Variants in ADAMTSL1 observed in about 807,000 individuals in gnomAD.
The protein encoded by ADAMTSL1 is ADAMTS like 1.
In ADAMTSL1, 126 loss-of-function variants were observed where a neutral mutation model predicts 201.8. The observed-to-expected ratio is 0.62, with a 90% CI of 0.54 to 0.72. The LOEUF is 0.72. Ranked by LOEUF, ADAMTSL1 falls within the 30% of genes least tolerant of loss-of-function variation. The probability of loss-of-function intolerance (pLI) is 0.00; values close to 1 mark genes in which losing one functional copy is unlikely to be tolerated. For missense variants in ADAMTSL1, 2,679 were observed against 2,277.8 expected, an observed-to-expected ratio of 1.18 and a Z score of -3.59; for synonymous variants, 1,121 against 903.4, an observed-to-expected ratio of 1.24 and a Z score of -4.32.
intron 20 of ADAMTSL1, among the ~76,000 whole-genome samples, chr9:18,815,038 A>C (rs983802275): frequency 1.4e-4 from 21 of 152,226 alleles, no homozygotes; most frequent in African/African-American, 5.1e-4. Flanking sequence ...AATGGGTACT[A>C]TCAAAAAGAC....
At chr9:18,019,885 T>C (rs1191763455) in intron 1 of ADAMTSL1, among the ~76,000 whole-genome samples, 1 of 152,042 alleles carries the variant, frequency 6.6e-6, no homozygotes, top group Non-Finnish European at 1.5e-5. Flanking sequence ...GGAGAATTAT[T>C]CTTAGGCCTT....
chr9:18,804,628 A>C (rs998860994), intron 20 of ADAMTSL1, among the ~76,000 whole-genome samples: 2 of 152,204 alleles, frequency 1.3e-5, no homozygotes, highest in Admixed American at 6.5e-5. Flanking sequence ...CATTATTACT[A>C]ATATCAGATG....
chr9:18,730,516 C>G (rs1455376141), intron 15 of ADAMTSL1, among the ~76,000 whole-genome samples: 1 of 152,244 alleles, frequency 6.6e-6, no homozygotes, highest in South Asian at 2.1e-4. Flanking sequence ...CAGAGCCCAG[C>G]CAGCTACCTT....
intron 3 of ADAMTSL1, among the ~76,000 whole-genome samples, chr9:18,550,650 G>C (rs1383200808): frequency 6.6e-6 from 1 of 151,816 alleles, no homozygotes; most frequent in Non-Finnish European, 1.5e-5. Flanking sequence ...TTTTGGCCCA[G>C]GGAAACGCTA....
At chr9:17,968,660 G>C (rs1818076980) in intron 1 of ADAMTSL1, among the ~76,000 whole-genome samples, 1 of 152,090 alleles carries the variant, frequency 6.6e-6, no homozygotes, top group African/African-American at 2.4e-5. Flanking sequence ...GATTTCATCT[G>C]TTTCCAGGTC....
rs113014394 is a variant in ADAMTSL1 at position 18,186,119 on chromosome 9, T to C, written c.207+22138T>C. Reference sequence around the variant, plus strand: ...GTATTTCTGTGCAGCCTGGACAACCTGGCCTCTGCTTCCAAGGAGAAAATA... The same window carrying C: ...GTATTTCTGTGCAGCCTGGACAACCCGGCCTCTGCTTCCAAGGAGAAAATA... On this transcript the variant is annotated intron_variant, in intron 2 of 29. Transcript: ENST00000680146. Among the ~76,000 whole-genome samples, 690 of 152,298 alleles carry C rather than the reference T, an allele frequency of 4.5e-3. 4 individuals carry two copies. Among genetic ancestry groups the C allele is most frequent in the Non-Finnish European group, 8.0e-3 (542 of 68,012 alleles).
intron 1 of ADAMTSL1, among the ~76,000 whole-genome samples, chr9:18,474,703 G>A (rs1205416475): frequency 1.3e-5 from 2 of 152,080 alleles, no homozygotes; most frequent in Non-Finnish European, 2.9e-5. Flanking sequence ...GAGCTTGCCC[G>A]TACCGCCTTT....
At chr9:18,722,842 G>A (rs1263481523) in intron 15 of ADAMTSL1, among the ~76,000 whole-genome samples, 1 of 152,196 alleles carries the variant, frequency 6.6e-6, no homozygotes, top group Non-Finnish European at 1.5e-5. Context: ...CAGTCAACAA[G>A]ATAGAGTCAA....
intron 2 of ADAMTSL1, among the ~76,000 whole-genome samples, chr9:18,219,109 A>G (rs1032338823): frequency 6.6e-6 from 1 of 151,544 alleles, no homozygotes; most frequent in African/African-American, 2.4e-5. Flanking sequence ...TGGTGCCAAT[A>G]TTACATTTCT....
chr9:18,704,621 T>C lies in ADAMTSL1; in HGVS notation c.1575-2126T>C, dbSNP rs913775768. Among the ~76,000 whole-genome samples the C allele has an allele frequency of 1.6e-4, 24 of 152,374 alleles. 1 individual carries two copies. Among genetic ancestry groups the C allele is most frequent in the Admixed American group, 1.3e-3 (20 of 15,306 alleles). On this transcript the variant is annotated intron_variant, in intron 13 of 28. Coordinates refer to ENST00000380548, the MANE Select transcript of ADAMTSL1 (RefSeq NM_001040272.6). ...AATGCTTGTGTATCTGTTATGATTC[T>C]TGTCACAGGAGCCAGGTAGGTGGAT...
chr9:18,676,048 C>A, intron 10 of ADAMTSL1, 141 bp downstream of exon 10: 2 of 807,834 alleles, frequency 2.5e-6, no homozygotes, highest in South Asian at 3.3e-5. Context: ...GCAATCCATC[C>A]TGAGTTCTGC....
chr9:18,562,740 G>T (rs1821608581), intron 3 of ADAMTSL1, among the ~76,000 whole-genome samples: 1 of 151,906 alleles, frequency 6.6e-6, no homozygotes, highest in Admixed American at 6.5e-5. Context: ...CTCTAATCTT[G>T]TCTTCACGGT....
At chr9:18,555,693 G>C (rs1052469834) in intron 3 of ADAMTSL1, among the ~76,000 whole-genome samples, 1 of 151,974 alleles carries the variant, frequency 6.6e-6, no homozygotes, top group Non-Finnish European at 1.5e-5. Flanking sequence ...CAGAGAAGGA[G>C]ACCAGGAAGT....
Position 18,614,401 on chromosome 9 carries a change from T to C in ADAMTSL1, c.475-7842T>C, listed in dbSNP as rs144798999. 1.3e-4 allele frequency among the ~76,000 whole-genome samples: 20 copies of C among 152,298 alleles called. No individual in the cohort carries two copies. In the East Asian group the frequency reaches 3.7e-3, roughly 28 times the overall value. ...CTTCAACTCTGGTGACAACAAATCCTAGTAATGCGATTTGCGGCAAGTTGT... is the reference window on the plus strand; with the variant it reads ...CTTCAACTCTGGTGACAACAAATCCCAGTAATGCGATTTGCGGCAAGTTGT... On this transcript the variant is annotated intron_variant, in intron 4 of 28. Transcript: ENST00000380548.
At chr9:18,865,648 T>C (rs1462339584) in intron 23 of ADAMTSL1, among the ~76,000 whole-genome samples, 2 of 152,234 alleles carry the variant, frequency 1.3e-5, no homozygotes, top group African/African-American at 4.8e-5. Flanking sequence ...CTTACACATA[T>C]GTGAATCACA....
rs989260461 is a variant in ADAMTSL1, at chr9:18,312,015, T to G, written c.207+148034T>G. On this transcript the variant is annotated intron_variant, in intron 2 of 29. Coordinates refer to the ADAMTSL1 transcript ENST00000680146. ...CTGGGCACTAATGATAAAACAGCAA[T>G]TAAAGTTCCAGTTCCCACAGAGCTT... 2.0e-5 allele frequency among the ~76,000 whole-genome samples: 3 copies of G among 152,176 alleles called. No homozygotes were observed. The South Asian group carries it at 6.2e-4, about 32-fold the overall frequency.
At chr9:18,176,903 T>A (rs1012991251) in intron 2 of ADAMTSL1, among the ~76,000 whole-genome samples, 1 of 152,156 alleles carries the variant, frequency 6.6e-6, no homozygotes, top group South Asian at 2.1e-4. Context: ...AAACAGCGCT[T>A]GATTTTATTA....
At chr9:18,131,736 T>G (rs985415147) in intron 1 of ADAMTSL1, among the ~76,000 whole-genome samples, 2 of 152,134 alleles carry the variant, frequency 1.3e-5, no homozygotes, top group African/African-American at 2.4e-5. Context: ...TTGACAAATC[T>G]AGGTGATGAC....
intron 23 of ADAMTSL1, among the ~76,000 whole-genome samples, chr9:18,856,460 A>ATTTTTTTTTTTTTTTTTTTTTTTTTT (rs398010404): frequency 1.8e-5 from 2 of 112,014 alleles, no homozygotes; most frequent in Non-Finnish European, 3.4e-5. Context: ...GATAAGAAGG[A>ATTTTTTTTTTTTTTTTTTTTTTTTTT]TTTTTTTTTT....
Sources: gnomAD v4.1 joint callset for allele counts (sites outside exome capture counted in the v4.1 genomes callset) on GRCh38, gnomAD v4.1.1 for gene constraint, MANE v1.5 for transcripts, NCBI Gene and HGNC (gene_info 2026-07-23, HGNC 2026-07-21) for gene names.